RGPD4: variants seen among roughly 807,000 people sequenced by gnomAD.
The protein encoded by RGPD4 is ranBP2-like and GRIP domain-containing protein 4.
RGPD4 carries 84 observed loss-of-function variants against 141.1 expected under a neutral mutation model. The observed-to-expected ratio is 0.60, with a 90% CI of 0.50 to 0.71. The LOEUF (loss-of-function observed/expected upper bound fraction) is 0.71, where lower values mean the gene tolerates loss of function less well. Among genes scored for constraint, RGPD4 ranks in the 30% least tolerant of loss-of-function variants. The pLI is 0.00. For synonymous variants in RGPD4, 298 were observed against 566.8 expected, an observed-to-expected ratio of 0.53 and a Z score of 6.74; for missense variants, 918 against 1,622.4, an observed-to-expected ratio of 0.57 and a Z score of 7.46.
At chr2:107,832,153 C>T (rs951951876) in intron 1 of RGPD4, among the ~76,000 whole-genome samples, 11 of 151,932 alleles carry the variant, frequency 7.2e-5, no homozygotes, top group African/African-American at 2.7e-4. Flanking sequence ...TGTGGTCAAA[C>T]TGATCACATA....
At chr2:107,827,608 G>T (rs866894342) in intron 1 of RGPD4, among the ~76,000 whole-genome samples, 30 of 40,956 alleles carry the variant, frequency 7.3e-4, no homozygotes, top group South Asian at 3.0e-3. Context: ...GCCCGGCGGC[G>T]GCCTCGATGG....
intron 17 of RGPD4, among the ~76,000 whole-genome samples, chr2:107,865,739 A>G (rs1682704959): frequency 6.7e-6 from 1 of 150,266 alleles, no homozygotes; most frequent in African/African-American, 2.5e-5. Flanking sequence ...AATCAGCACC[A>G]GGTACCTAGA....
chr2:107,870,849 G>A lies in RGPD4; in HGVS notation c.2845G>A (p.Ala949Thr), dbSNP rs779774140. The A allele has an allele frequency of 1.9e-6, 3 of 1,610,420 alleles. No homozygotes were observed. The highest frequency in any genetic ancestry group is 2.7e-5 in the African/African-American group (2 of 74,224). ...KPLENDTGFQ[A>T]QDISGQKNGR... is the part of the protein sequence containing the mutation. The stretch of plus-strand genomic sequence containing the variant: ...TCTTGAAAATGATACTGGCTTCCAG[G>A]CTCAGGATATTAGTGGCCAGAAGAA... The change falls in exon 20 of 23, where the codon GCT (alanine) becomes ACT (threonine). Residue 949 changes from alanine (A) to threonine (T), a missense_variant. By Grantham distance (58) the Ala-to-Thr change is moderately conservative. Coordinates refer to ENST00000408999, the MANE Select transcript of RGPD4 (RefSeq NM_182588.3).
rs552029147 is a variant in RGPD4 at position 107,862,920 on chromosome 2, C to T, written c.2386-29C>T. ...AAATTGTTTCTAAGTGTTTTAAATG[C>T]TCTTTTGTGATTTTTATTTTTTTTT... is the stretch of plus-strand genomic sequence containing the variant. On this transcript the variant is annotated intron_variant, in intron 16 of 22. Coordinates refer to ENST00000408999, the MANE Select transcript of RGPD4 (RefSeq NM_182588.3). 1.1e-5 allele frequency: 18 copies of T among 1,607,896 alleles called. No individual in the cohort carries two copies. In the East Asian group the frequency reaches 2.0e-4, roughly 18 times the overall value.
At chr2:107,855,958 C>T (rs1433218353) in intron 8 of RGPD4, among the ~76,000 whole-genome samples, 1 of 91,648 alleles carries the variant, frequency 1.1e-5, no homozygotes, top group Non-Finnish European at 2.0e-5. Context: ...TGTGTTATAG[C>T]ATGTATCAGT....
chr2:107,872,156 T>A lies in RGPD4; in HGVS notation c.4152T>A (p.Ile1384=), dbSNP rs1015361988. The A allele has an allele frequency of 1.2e-6, 2 of 1,611,342 alleles. No individual in the cohort carries two copies. The highest frequency in any genetic ancestry group is 2.7e-5 in the African/African-American group (2 of 74,414). Residue 1384 remains isoleucine (I), a synonymous_variant, in exon 20 of 23, where the codon ATT becomes ATA. Coordinates refer to ENST00000408999, the MANE Select transcript of RGPD4 (RefSeq NM_182588.3). ...AAAGGGGCATTGGTGATATAAAGAT[T>A]TTACAGAATTATGATAATAAGCAAG... ...WKERGIGDIK[I]LQNYDNKQVR...
rs1237171619 is a variant in RGPD4, at chr2:107,872,015, T to A, written c.4011T>A (p.Pro1337=). The change falls in exon 20 of 23, where the codon CCT becomes CCA. Residue 1337 remains proline, a synonymous_variant. Transcript: ENST00000408999. ...AGAGAGATGGACAGTACTTTGAACC[T>A]GTTGTTCCTTTACCTGATCTAGTTG... ...EEERDGQYFE[P]VVPLPDLVEV... 1.2e-6 allele frequency: 2 copies of A among 1,611,434 alleles called. No homozygotes were observed. The highest frequency in any genetic ancestry group is 4.5e-5 in the East Asian group (2 of 44,876).
At chr2:107,877,941 C>A (rs1683136689) in intron 20 of RGPD4, among the ~76,000 whole-genome samples, 1 of 151,520 alleles carries the variant, frequency 6.6e-6, no homozygotes, top group South Asian at 2.1e-4. Context: ...GCCTCCCCAG[C>A]AGCTGGGATT....
chr2:107,887,186 C>T (rs1179630760), intron 22 of RGPD4, among the ~76,000 whole-genome samples: 3 of 151,852 alleles, frequency 2.0e-5, no homozygotes, highest in African/African-American at 2.4e-5. Context: ...AGGCTGCAGT[C>T]GAACTTCTGG....
intron 1 of RGPD4, among the ~76,000 whole-genome samples, chr2:107,832,094 T>C (rs2104399458): frequency 2.0e-5 from 3 of 151,620 alleles, no homozygotes; most frequent in Middle Eastern, 6.8e-3. Context: ...TTTGCTTGTA[T>C]GTTGTGTTAC....
chr2:107,829,905 G>T (rs1045644765), intron 1 of RGPD4, among the ~76,000 whole-genome samples: 1 of 151,908 alleles, frequency 6.6e-6, no homozygotes, highest in Non-Finnish European at 1.5e-5. Flanking sequence ...TATATGCTGC[G>T]GCGGAGGTCG....
intron 22 of RGPD4, among the ~76,000 whole-genome samples, chr2:107,885,655 C>G (rs1369995207): frequency 6.6e-6 from 1 of 152,162 alleles, no homozygotes; most frequent in Non-Finnish European, 1.5e-5. Flanking sequence ...AGATTATTTA[C>G]TACTTGTCTC....
chr2:107,849,498 C>T lies in RGPD4; in HGVS notation c.978+962C>T, dbSNP rs1682061667. 3.8e-5 allele frequency among the ~76,000 whole-genome samples: 4 copies of T among 106,594 alleles called. 1 individual carries two copies. Among genetic ancestry groups the T allele is most frequent in the Admixed American group, 3.2e-4 (3 of 9,476 alleles). 69.9% of individuals were successfully genotyped at this position (106,594 alleles called of 152,430 possible). ...TTTCCTGCCTCAGCCTCCTGAGTAG[C>T]TGGGACTACAGGCACCCGCCACCAC... On this transcript the variant is annotated intron_variant, in intron 7 of 22. Transcript: ENST00000408999.
chr2:107,830,923 T>C (rs1307509231), intron 1 of RGPD4, among the ~76,000 whole-genome samples: 2 of 152,194 alleles, frequency 1.3e-5, no homozygotes, highest in Non-Finnish European at 2.9e-5. Flanking sequence ...CATGTGCTTT[T>C]GCCCTTCTTA....
intron 21 of RGPD4, 145 bp downstream of exon 21, chr2:107,880,252 A>C: frequency 1.7e-6 from 1 of 592,562 alleles, no homozygotes; most frequent in South Asian, 2.8e-5. Context: ...ATGGTGAGAA[A>C]TATTGCCTTT....
Position 107,849,342 on chromosome 2 carries a change from C to T in RGPD4, c.978+806C>T, listed in dbSNP as rs537305924. 1.7e-4 allele frequency among the ~76,000 whole-genome samples: 17 copies of T among 97,704 alleles called. No individual in the cohort carries two copies. In the South Asian group the frequency reaches 7.2e-3, roughly 41 times the overall value. 64.1% of individuals were successfully genotyped at this position (97,704 alleles called of 152,430 possible). A position where few individuals can be genotyped will look rare whatever the true frequency, so the allele number is the denominator to read the frequency against. On this transcript the variant is annotated intron_variant, in intron 7 of 22. Coordinates refer to ENST00000408999, the MANE Select transcript of RGPD4 (RefSeq NM_182588.3). ...GTGCTGGGATTACAGGCGCGAGGCA[C>T]TGCGCCTGGCGCGCCTGGCCTTTTT...
At position 107,859,539 on chromosome 2, in the gene RGPD4, T is replaced by C. The variant is rs567124900; in HGVS notation, c.1619T>C (p.Ile540Thr). The change falls in exon 11 of 23, where the codon ATT becomes ACT. Residue 540 changes from isoleucine (I) to threonine (T), a missense_variant. Coordinates refer to ENST00000408999, the MANE Select transcript of RGPD4 (RefSeq NM_182588.3). ...TGGTGGGATGCGGTTTGTACTCTGA[T>C]TCACAGAAAAGCAGTGTAAGTAGTA... ...KSWWDAVCTL[I>T]HRKAVPGNSA... The C allele has an allele frequency of 5.0e-5, 80 of 1,611,490 alleles. No individual in the cohort carries two copies. The African/African-American group carries it at 9.5e-4, about 19-fold the overall frequency.
intron 21 of RGPD4, among the ~76,000 whole-genome samples, chr2:107,882,403 A>T (rs1187726344): frequency 6.6e-6 from 1 of 151,762 alleles, no homozygotes; most frequent in African/African-American, 2.4e-5. Flanking sequence ...CATATGCAGC[A>T]ATCCACTTTC....
At chr2:107,857,177 G>T (rs935983733) in intron 9 of RGPD4, among the ~76,000 whole-genome samples, 6 of 148,580 alleles carry the variant, frequency 4.0e-5, no homozygotes, top group Admixed American at 3.4e-4. Context: ...TGCTCTTGTC[G>T]CCCATGCTGG....
Sources: gnomAD v4.1 joint callset for allele counts (sites outside exome capture counted in the v4.1 genomes callset) on GRCh38, gnomAD v4.1.1 for gene constraint, MANE v1.5 for transcripts, NCBI Gene and HGNC (gene_info 2026-07-23, HGNC 2026-07-21) for gene names.